The following MACC1 variants were observed in gnomAD, a reference collection of about 807,000 sequenced individuals.
MACC1 encodes MET transcriptional regulator MACC1, also known as metastasis-associated in colon cancer protein 1.
In MACC1, 79 loss-of-function variants were observed where a neutral mutation model predicts 70.7. The ratio of observed to expected loss-of-function variants is 1.12; its 90% confidence interval spans 0.93 to 1.35. The LOEUF is 1.35. Among genes scored for constraint, MACC1 ranks in the 40% most tolerant of loss-of-function variants. The pLI, the probability that MACC1 is intolerant of heterozygous loss-of-function variation, is 0.00. For missense variants in MACC1, 1,106 were observed against 978.1 expected (o/e 1.13, Z -1.74); for synonymous variants, 361 against 347.2 (o/e 1.04, Z -0.44).
At chr7:20,192,120 T>C (rs776177570) in intron 1 of MACC1, among the ~76,000 whole-genome samples, 3 of 152,238 alleles carry the variant, frequency 2.0e-5, no homozygotes, top group Non-Finnish European at 2.9e-5. Context: ...GTACGTTTAG[T>C]AGATTTATGC....
At chr7:20,201,359 A>T (rs1455777019) in intron 1 of MACC1, among the ~76,000 whole-genome samples, 1 of 152,198 alleles carries the variant, frequency 6.6e-6, no homozygotes, top group Non-Finnish European at 1.5e-5. Context: ...TGCTTCAGGT[A>T]AAAGGAAAAT....
chr7:20,135,856 T>C lies in MACC1; in HGVS notation c.*5090A>G, dbSNP rs1473127278. ...TCACCAATTGTTCAAAAACAGTGTG[T>C]ATTACATAATCAATTTCAAAAGATT... On this transcript the variant is annotated 3_prime_UTR_variant, in exon 7 of 7. Transcript: ENST00000400331. 1 of 152,232 alleles carries C rather than the reference T, an allele frequency of 6.6e-6. No homozygotes were observed. The highest frequency in any genetic ancestry group is 1.5e-5 in the Non-Finnish European group (1 of 68,048). 9.4% of individuals were successfully genotyped at this position (152,232 alleles called of 1,614,324 possible). A position where few individuals can be genotyped will look rare whatever the true frequency, so the allele number is the denominator to read the frequency against.
At chr7:20,154,752 G>T (rs1782031318) in intron 5 of MACC1, among the ~76,000 whole-genome samples, 1 of 152,090 alleles carries the variant, frequency 6.6e-6, no homozygotes, top group South Asian at 2.1e-4. Context: ...TCTAGGATTA[G>T]TTATTTACTC....
intron 5 of MACC1, among the ~76,000 whole-genome samples, chr7:20,157,068 A>G (rs1782065159): frequency 6.6e-6 from 1 of 152,224 alleles, no homozygotes; most frequent in Non-Finnish European, 1.5e-5. Context: ...TCCCATCTAT[A>G]AGAATAGGCA....
intron 6 of MACC1, among the ~76,000 whole-genome samples, chr7:20,141,496 T>C (rs1781801596): frequency 6.6e-6 from 1 of 152,178 alleles, no homozygotes; most frequent in African/African-American, 2.4e-5. Context: ...ATAGGCTTTT[T>C]ACTATTTGAG....
intron 1 of MACC1, among the ~76,000 whole-genome samples, chr7:20,179,790 C>T (rs1041621834): frequency 8.5e-5 from 13 of 152,150 alleles, no homozygotes; most frequent in Non-Finnish European, 1.6e-4. Context: ...GGTCTTCTGT[C>T]TCAAACAAAG....
intron 1 of MACC1, among the ~76,000 whole-genome samples, chr7:20,206,938 A>G (rs192324807): frequency 6.6e-6 from 1 of 152,250 alleles, no homozygotes; most frequent in African/African-American, 2.4e-5. Flanking sequence ...CTTCTACAAA[A>G]TTAGTATCTC....
chr7:20,177,721 TTG>T (rs201882257), intron 1 of MACC1, among the ~76,000 whole-genome samples: 16,482 of 104,958 alleles, frequency 0.16, 1,020 homozygotes, highest in Admixed American at 0.23. Flanking sequence ...GCTGCCTTTG[TTG>T]TTTTTTTTTT....
chr7:20,214,958 T>C (rs1783047912), intron 1 of MACC1, among the ~76,000 whole-genome samples: 1 of 152,118 alleles, frequency 6.6e-6, no homozygotes, highest in Non-Finnish European at 1.5e-5. Context: ...CCTCCCACAA[T>C]GTCCTCTTGA....
At chr7:20,166,907 A>C (rs1782228742) in intron 2 of MACC1, among the ~76,000 whole-genome samples, 1 of 152,228 alleles carries the variant, frequency 6.6e-6, no homozygotes, top group Admixed American at 6.5e-5. Context: ...AGGGATATAA[A>C]AACAGTAGGT....
intron 1 of MACC1, among the ~76,000 whole-genome samples, chr7:20,191,997 A>C (rs1782679933): frequency 6.6e-6 from 1 of 152,214 alleles, no homozygotes; most frequent in Non-Finnish European, 1.5e-5. Context: ...ACGAATAAAT[A>C]AGATAATACG....
At position 20,190,643 on chromosome 7, in the gene MACC1, A is replaced by C. The variant is rs531912340; in HGVS notation, c.-217-19865T>G. On this transcript the variant is annotated intron_variant, in intron 1 of 6. Coordinates refer to ENST00000400331, the MANE Select transcript of MACC1 (RefSeq NM_182762.4). Reference sequence around the variant, plus strand: ...GAGCAGTTCATGGCTTTAAAATGGCAACAAAGCCAAAATTGGTTAGTTTTT... The same window carrying C: ...GAGCAGTTCATGGCTTTAAAATGGCCACAAAGCCAAAATTGGTTAGTTTTT... Among the ~76,000 whole-genome samples the C allele has an allele frequency of 7.2e-5, 11 of 152,362 alleles. No individual in the cohort carries two copies. The South Asian group carries it at 2.1e-3, about 29-fold the overall frequency.
At chr7:20,193,535 G>A (rs951429761) in intron 1 of MACC1, among the ~76,000 whole-genome samples, 5 of 152,148 alleles carry the variant, frequency 3.3e-5, no homozygotes, top group African/African-American at 1.2e-4. Flanking sequence ...TCTCATCTAA[G>A]TTGCATCCTG....
intron 1 of MACC1, among the ~76,000 whole-genome samples, chr7:20,213,780 AG>A (rs1446752906): frequency 1.3e-5 from 2 of 152,146 alleles, no homozygotes; most frequent in Non-Finnish European, 2.9e-5. Flanking sequence ...GAGGAGGCAG[AG>A]GGTCAAGATA....
intron 1 of MACC1, among the ~76,000 whole-genome samples, chr7:20,202,471 G>A (rs1308555414): frequency 6.6e-6 from 1 of 152,114 alleles, no homozygotes; most frequent in Non-Finnish European, 1.5e-5. Flanking sequence ...GTGTTTTAGA[G>A]GAAAGAAAAT....
At chr7:20,153,077 A>T (rs143729956) in intron 6 of MACC1, among the ~76,000 whole-genome samples, 1 of 152,264 alleles carries the variant, frequency 6.6e-6, no homozygotes, top group East Asian at 1.9e-4. Flanking sequence ...AAGTTTATGG[A>T]GATAAATGTA....
chr7:20,203,370 C>T (rs543872942), intron 1 of MACC1, among the ~76,000 whole-genome samples: 1 of 152,290 alleles, frequency 6.6e-6, no homozygotes, highest in East Asian at 1.9e-4. Context: ...AAGCTTTGAC[C>T]CTCCTTTCGA....
chr7:20,143,636 G>A (rs1460286005), intron 6 of MACC1, among the ~76,000 whole-genome samples: 1 of 152,074 alleles, frequency 6.6e-6, no homozygotes, highest in African/African-American at 2.4e-5. Context: ...TGATCCGCCC[G>A]CCTCGGACTC....
At chr7:20,190,050 C>T (rs144592947) in intron 1 of MACC1, among the ~76,000 whole-genome samples, 2 of 152,222 alleles carry the variant, frequency 1.3e-5, no homozygotes, top group Non-Finnish European at 2.9e-5. Flanking sequence ...GAGGGCCCCA[C>T]CTTCATGACC....
Sources: gnomAD v4.1 joint callset for allele counts (sites outside exome capture counted in the v4.1 genomes callset) on GRCh38, gnomAD v4.1.1 for gene constraint, MANE v1.5 for transcripts, NCBI Gene and HGNC (gene_info 2026-07-23, HGNC 2026-07-21) for gene names.